The following AKT3 variants were observed in gnomAD, a reference collection of about 807,000 sequenced individuals.
AKT3 encodes RAC-gamma serine/threonine-protein kinase.
A neutral mutation model predicts 65.3 loss-of-function variants in AKT3; 15 were observed. That is an observed-to-expected ratio of 0.23 (90% CI 0.15 to 0.35). The LOEUF (loss-of-function observed/expected upper bound fraction) is 0.35. AKT3 is among the 10% of genes least tolerant of loss of function. The pLI is 1.00. For missense variants in AKT3, 243 were observed against 576.5 expected (o/e 0.42, Z 5.92); for synonymous variants, 206 against 183.8 (o/e 1.12, Z -0.98).
At chr1:243,626,092 G>A (rs1679138505) in intron 6 of AKT3, among the ~76,000 whole-genome samples, 1 of 152,128 alleles carries the variant, frequency 6.6e-6, no homozygotes, top group African/African-American at 2.4e-5. Context: ...TTTAAATCAT[G>A]GTAAATACTG....
rs1343085170 is a variant in AKT3, at chr1:243,528,110, G to GTTAGCTA, written c.1252-15691_1252-15685dup. ...AGGGTATCCCACCTCCTTTCTATAG[G>GTTAGCTA]TTAGCTATGCTTCAGAGATCTTACA... On this transcript the variant is annotated intron_variant, in intron 12 of 13. Transcript: ENST00000673466. 2.0e-5 allele frequency among the ~76,000 whole-genome samples: 3 copies of GTTAGCTA among 152,074 alleles called. No individual in the cohort carries two copies. In the East Asian group the frequency reaches 5.8e-4, roughly 29 times the overall value.
chr1:243,689,416 G>C lies in AKT3; in HGVS notation c.172+6175C>G, dbSNP rs188576285. Among the ~76,000 whole-genome samples the C allele has an allele frequency of 2.7e-3, 407 of 149,800 alleles. 1 individual carries two copies. Among genetic ancestry groups the C allele is most frequent in the African/African-American group, 9.7e-3 (395 of 40,904 alleles). On this transcript the variant is annotated intron_variant, in intron 3 of 13. Transcript: ENST00000673466. ...CTATCCCCATGTATGTCCACTAGAA[G>C]TATTAATAGGAATCAACTGATTTTT...
At chr1:243,674,264 G>A (rs1268361141) in intron 3 of AKT3, among the ~76,000 whole-genome samples, 1 of 152,186 alleles carries the variant, frequency 6.6e-6, no homozygotes, top group Non-Finnish European at 1.5e-5. Context: ...GTGCCAACAT[G>A]TCAAACCACA....
intron 10 of AKT3, among the ~76,000 whole-genome samples, chr1:243,561,274 T>C (rs1161277548): frequency 6.6e-6 from 1 of 152,138 alleles, no homozygotes; most frequent in Non-Finnish European, 1.5e-5. Context: ...GCTAGTATCA[T>C]TGGGGATTTA....
intron 2 of AKT3, among the ~76,000 whole-genome samples, chr1:243,752,147 A>C (rs1688845073): frequency 1.3e-5 from 2 of 152,228 alleles, no homozygotes; most frequent in Non-Finnish European, 1.5e-5. Flanking sequence ...AAAACCAAAA[A>C]TCATTAAATG....
chr1:243,627,627 A>G (rs1184578591), intron 6 of AKT3, among the ~76,000 whole-genome samples: 1 of 152,216 alleles, frequency 6.6e-6, no homozygotes, highest in African/African-American at 2.4e-5. Flanking sequence ...GTGGTGGCTC[A>G]CAGGAATACC....
chr1:243,497,519 T>A (rs1169122659), downstream of AKT3, among the ~76,000 whole-genome samples: 3 of 152,056 alleles, frequency 2.0e-5, no homozygotes, highest in African/African-American at 7.2e-5. Flanking sequence ...TACATCTGTG[T>A]CACCCCCATG....
chr1:243,767,313 A>G (rs1217087400), intron 2 of AKT3, among the ~76,000 whole-genome samples: 2 of 152,190 alleles, frequency 1.3e-5, no homozygotes, highest in South Asian at 2.1e-4. Context: ...CCCAGAAGGC[A>G]TAACAGAGTT....
intron 8 of AKT3, among the ~76,000 whole-genome samples, chr1:243,607,151 A>G (rs962246103): frequency 3.9e-5 from 6 of 152,224 alleles, no homozygotes; most frequent in African/African-American, 1.4e-4. Context: ...CCCCACACAG[A>G]GTCCCCACTG....
intron 3 of AKT3, 31 bp downstream of exon 3, chr1:243,695,560 C>A (rs1013722573): frequency 3.9e-6 from 6 of 1,534,270 alleles, no homozygotes; most frequent in Non-Finnish European, 5.3e-6. Flanking sequence ...TAAATAAATA[C>A]AAGATGAATC....
chr1:243,796,302 CTT>C (rs1216283499), intron 2 of AKT3, among the ~76,000 whole-genome samples: 1 of 152,168 alleles, frequency 6.6e-6, no homozygotes. Context: ...TGAGAGAGCT[CTT>C]TTGAAATCAG....
At chr1:243,812,642 C>A (rs1242399727) in intron 2 of AKT3, among the ~76,000 whole-genome samples, 3 of 152,106 alleles carry the variant, frequency 2.0e-5, no homozygotes, top group Non-Finnish European at 4.4e-5. Flanking sequence ...ACTAGAAATA[C>A]CATTTGACCC....
chr1:243,512,098 T>A (rs1670049870), intron 13 of AKT3, among the ~76,000 whole-genome samples: 1 of 152,222 alleles, frequency 6.6e-6, no homozygotes, highest in Non-Finnish European at 1.5e-5. Context: ...CTCTATATAA[T>A]TTGTCCTACC....
chr1:243,568,223 T>C (rs1674311689), intron 9 of AKT3, among the ~76,000 whole-genome samples: 1 of 152,186 alleles, frequency 6.6e-6, no homozygotes, highest in South Asian at 2.1e-4. Flanking sequence ...TTATGAAACT[T>C]TACATGCATC....
intron 4 of AKT3, among the ~76,000 whole-genome samples, chr1:243,657,467 C>T (rs759128891): frequency 9.9e-5 from 15 of 152,078 alleles, no homozygotes; most frequent in Non-Finnish European, 1.8e-4. Flanking sequence ...ACACTGAAAA[C>T]TACAAAACAT....
intron 2 of AKT3, among the ~76,000 whole-genome samples, chr1:243,750,050 A>G (rs1435503914): frequency 6.6e-6 from 1 of 152,198 alleles, no homozygotes; most frequent in Admixed American, 6.5e-5. Flanking sequence ...GCTAAATGCA[A>G]TATGGCCTCA....
At chr1:243,822,895 A>G (rs948357651) in intron 2 of AKT3, among the ~76,000 whole-genome samples, 29 of 152,154 alleles carry the variant, frequency 1.9e-4, no homozygotes, top group Non-Finnish European at 7.4e-5. Context: ...ATTCCCAACA[A>G]TTGAAAAGGA....
chr1:243,577,631 C>T (rs564780774), intron 8 of AKT3, among the ~76,000 whole-genome samples: 93 of 152,164 alleles, frequency 6.1e-4, no homozygotes, highest in Admixed American at 1.4e-3. Flanking sequence ...GACATAGGTA[C>T]GGGCAATGTT....
At chr1:243,673,611 A>ATTTTT (rs11386712) in intron 3 of AKT3, among the ~76,000 whole-genome samples, 6 of 124,138 alleles carry the variant, frequency 4.8e-5, no homozygotes, top group African/African-American at 1.5e-4. Flanking sequence ...TAATTATGAG[A>ATTTTT]TTTTTTTTTT....
Sources: gnomAD v4.1 joint callset for allele counts (sites outside exome capture counted in the v4.1 genomes callset) on GRCh38, gnomAD v4.1.1 for gene constraint, MANE v1.5 for transcripts, NCBI Gene and HGNC (gene_info 2026-07-23, HGNC 2026-07-21) for gene names.